Variants in CDH12 observed in about 807,000 individuals in gnomAD.
CDH12 encodes the protein cadherin 12, also known as cadherin-12.
A neutral mutation model predicts 74.1 loss-of-function variants in CDH12; 41 were observed. The observed-to-expected ratio is 0.55, with a 90% CI of 0.43 to 0.72. The LOEUF (loss-of-function observed/expected upper bound fraction) is 0.72. Ranked by LOEUF, CDH12 falls within the 30% of genes least tolerant of loss-of-function variation. The probability of loss-of-function intolerance (pLI) is 0.00; values close to 1 mark genes in which losing one functional copy is unlikely to be tolerated. For synonymous variants in CDH12, 399 were observed against 355.0 expected, an observed-to-expected ratio of 1.12 and a Z score of -1.39; for missense variants, 945 against 977.2, an observed-to-expected ratio of 0.97 and a Z score of 0.44.
At chr5:22,006,953 G>A in intron 5 of CDH12, among the ~76,000 whole-genome samples, 1 of 150,534 alleles carries the variant, frequency 6.6e-6, no homozygotes, top group East Asian at 1.9e-4. Context: ...CTTTAATATT[G>A]GCCTATGAAT....
intron 6 of CDH12, among the ~76,000 whole-genome samples, chr5:21,879,817 CTAATGAAAAGCGGT>C (rs1396744163): frequency 2.0e-5 from 3 of 152,102 alleles, no homozygotes; most frequent in Admixed American, 1.3e-4. Flanking sequence ...GAAAGGAAAC[CTAATGAAAAGCGGT>C]CGACAGCAAG....
chr5:22,124,236 A>G (rs1745704166), intron 4 of CDH12, among the ~76,000 whole-genome samples: 1 of 152,062 alleles, frequency 6.6e-6, no homozygotes, highest in Non-Finnish European at 1.5e-5. Flanking sequence ...GCTCACTGCA[A>G]TCTCAGCCTC....
chr5:21,812,750 T>G (rs1222026896), intron 9 of CDH12, among the ~76,000 whole-genome samples: 2 of 152,050 alleles, frequency 1.3e-5, no homozygotes, highest in Non-Finnish European at 2.9e-5. Flanking sequence ...AGGTGGACAG[T>G]TTTTAAGTTT....
intron 2 of CDH12, among the ~76,000 whole-genome samples, chr5:22,493,935 G>T (rs894620401): frequency 6.6e-6 from 1 of 152,118 alleles, no homozygotes; most frequent in African/African-American, 2.4e-5. Flanking sequence ...AGGATGAGTG[G>T]ACAAGCTGTT....
chr5:22,421,537 A>T (rs1430357351), intron 2 of CDH12, among the ~76,000 whole-genome samples: 4 of 152,130 alleles, frequency 2.6e-5, no homozygotes, highest in African/African-American at 9.7e-5. Flanking sequence ...TTATGGCTGC[A>T]TAGTATTCCA....
chr5:22,565,747 C>G (rs187482271), intron 1 of CDH12, among the ~76,000 whole-genome samples: 109 of 151,868 alleles, frequency 7.2e-4, no homozygotes, highest in Middle Eastern at 3.4e-3. Flanking sequence ...CAGATAGCAA[C>G]AAAAAAGGAG....
intron 3 of CDH12, among the ~76,000 whole-genome samples, chr5:22,341,995 A>G (rs1405862779): frequency 6.6e-6 from 1 of 152,074 alleles, no homozygotes; most frequent in East Asian, 1.9e-4. Flanking sequence ...CTTGAGGCAG[A>G]AAGTCCAAGA....
intron 1 of CDH12, among the ~76,000 whole-genome samples, chr5:22,580,056 A>C (rs1740004156): frequency 2.0e-5 from 3 of 152,124 alleles, no homozygotes; most frequent in Non-Finnish European, 1.5e-5. Flanking sequence ...CTTTTTAGCC[A>C]ACGATGCTCT....
intron 2 of CDH12, among the ~76,000 whole-genome samples, chr5:22,499,754 G>C (rs1166171854): frequency 6.6e-6 from 1 of 152,050 alleles, no homozygotes; most frequent in East Asian, 1.9e-4. Flanking sequence ...ATGTTATTCT[G>C]GCTGTTTTCA....
intron 4 of CDH12, among the ~76,000 whole-genome samples, chr5:22,203,463 T>C (rs1751033080): frequency 6.6e-6 from 1 of 152,200 alleles, no homozygotes; most frequent in Non-Finnish European, 1.5e-5. Flanking sequence ...CTACTGTGTA[T>C]ATATACCACA....
At chr5:22,788,700 ATAAT>A (rs1431776322) in intron 1 of CDH12, among the ~76,000 whole-genome samples, 33 of 148,644 alleles carry the variant, frequency 2.2e-4, no homozygotes, top group African/African-American at 7.6e-4. Context: ...TTATGAAACT[ATAAT>A]TATATATCAT....
Position 22,691,309 on chromosome 5 carries a change from A to G in CDH12, c.-523+161749T>C, listed in dbSNP as rs916335788. Among the ~76,000 whole-genome samples the G allele has an allele frequency of 2.6e-5, 4 of 152,238 alleles. No homozygotes were observed. The East Asian group carries it at 5.8e-4, about 22-fold the overall frequency. On this transcript the variant is annotated intron_variant, in intron 1 of 14. Transcript: ENST00000382254. Reference sequence around the variant, plus strand: ...TAACTATGAGCTAGATGATATTACTATTAGTTAACTTGATACATCATCTAG... The same window carrying G: ...TAACTATGAGCTAGATGATATTACTGTTAGTTAACTTGATACATCATCTAG...
intron 1 of CDH12, among the ~76,000 whole-genome samples, chr5:22,555,575 T>C (rs1738765915): frequency 6.6e-6 from 1 of 151,934 alleles, no homozygotes; most frequent in Admixed American, 6.6e-5. Context: ...GAATCATGGA[T>C]TTTAAATATA....
intron 10 of CDH12, among the ~76,000 whole-genome samples, chr5:21,787,382 G>A (rs1240772333): frequency 6.6e-6 from 1 of 151,702 alleles, no homozygotes. Flanking sequence ...ACAACTTGCT[G>A]AAGGCTCAGG....
intron 1 of CDH12, among the ~76,000 whole-genome samples, chr5:22,758,072 C>A (rs536039997): frequency 5.3e-5 from 8 of 152,092 alleles, no homozygotes; most frequent in Non-Finnish European, 8.8e-5. Context: ...AGCACTATGG[C>A]GAGATAATTA....
intron 3 of CDH12, among the ~76,000 whole-genome samples, chr5:22,215,239 G>A (rs951685650): frequency 6.6e-6 from 1 of 152,110 alleles, no homozygotes; most frequent in Non-Finnish European, 1.5e-5. Flanking sequence ...TCAGGTTACT[G>A]TAACTATAAA....
chr5:21,842,037 C>T (rs2149986036), intron 8 of CDH12, 124 bp downstream of exon 8: 2 of 726,484 alleles, frequency 2.8e-6, no homozygotes, highest in Non-Finnish European at 4.6e-6. Context: ...ATTTTTAATC[C>T]ATTAGCTTCT....
intron 5 of CDH12, among the ~76,000 whole-genome samples, chr5:21,999,070 T>C (rs545668717): frequency 1.8e-3 from 268 of 152,260 alleles, no homozygotes; most frequent in African/African-American, 6.0e-3. Flanking sequence ...CAGCAGGACA[T>C]ACTGGCAGGA....
chr5:22,642,167 A>G (rs1739185954), intron 1 of CDH12, among the ~76,000 whole-genome samples: 1 of 152,224 alleles, frequency 6.6e-6, no homozygotes, highest in Admixed American at 6.5e-5. Flanking sequence ...AGAAGTGATC[A>G]TTTGTAGTTC....
Sources: gnomAD v4.1 joint callset for allele counts (sites outside exome capture counted in the v4.1 genomes callset) on GRCh38, gnomAD v4.1.1 for gene constraint, MANE v1.5 for transcripts, NCBI Gene and HGNC (gene_info 2026-07-23, HGNC 2026-07-21) for gene names.